OPCML: variants seen among roughly 807,000 people sequenced by gnomAD.
OPCML encodes opioid-binding protein/cell adhesion molecule.
A neutral mutation model predicts 37.8 loss-of-function variants in OPCML; 13 were observed. The observed-to-expected ratio is 0.34, with a 90% confidence interval of 0.22 to 0.55. The LOEUF (loss-of-function observed/expected upper bound fraction) is 0.55, where lower values mean the gene tolerates loss of function less well. OPCML is among the 20% of genes least tolerant of loss of function. OPCML has a pLI of 0.91. For missense variants in OPCML, 341 were observed against 435.6 expected (o/e 0.78, Z 1.93); for synonymous variants, 176 against 168.8 (o/e 1.04, Z -0.33).
intron 4 of OPCML, among the ~76,000 whole-genome samples, chr11:132,504,584 G>C (rs1203180055): frequency 2.0e-5 from 3 of 151,958 alleles, no homozygotes; most frequent in African/African-American, 7.3e-5. Context: ...GCACTTCCCA[G>C]GCGGCTTGCA....
In OPCML at chr11:133,314,765, G is replaced by C. The variant is rs990348004; in HGVS notation, c.61+217499C>G. Among the ~76,000 whole-genome samples, 4 of 152,122 alleles carry C rather than the reference G, an allele frequency of 2.6e-5. No homozygotes were observed. In the South Asian group the frequency reaches 6.2e-4, roughly 24 times the overall value. Reference sequence around the variant, plus strand: ...GGACGCTAAGGCTCCATGTGCCCACGGCTCCCAAGCAATGGACATTGCCGC... The same window carrying C: ...GGACGCTAAGGCTCCATGTGCCCACCGCTCCCAAGCAATGGACATTGCCGC... On this transcript the variant is annotated intron_variant, in intron 1 of 7. Coordinates refer to ENST00000524381, the MANE Select transcript of OPCML (RefSeq NM_001012393.5).
At chr11:133,380,129 A>C (rs116122488) in intron 1 of OPCML, among the ~76,000 whole-genome samples, 3,927 of 152,246 alleles carry the variant, frequency 0.026, 94 homozygotes, top group African/African-American at 0.07. Context: ...CAGAGGATGA[A>C]AATATAAATG....
At chr11:132,857,586 A>T (rs985977551) in intron 2 of OPCML, among the ~76,000 whole-genome samples, 1 of 152,126 alleles carries the variant, frequency 6.6e-6, no homozygotes, top group Non-Finnish European at 1.5e-5. Context: ...CATACTTAAA[A>T]ATATATATAT....
intron 2 of OPCML, among the ~76,000 whole-genome samples, chr11:132,787,079 G>A (rs929835599): frequency 2.0e-5 from 3 of 152,152 alleles, no homozygotes; most frequent in Non-Finnish European, 2.9e-5. Flanking sequence ...GGGAATTTGC[G>A]TTTCCAACAA....
intron 2 of OPCML, among the ~76,000 whole-genome samples, chr11:132,800,736 A>G (rs1426373993): frequency 6.6e-6 from 1 of 152,136 alleles, no homozygotes; most frequent in Non-Finnish European, 1.5e-5. Context: ...TTTACCTTTC[A>G]TGCTTGGGAC....
At chr11:133,384,247 C>CAAAAAAAAAAAAAAAAA (rs1186998875) in intron 1 of OPCML, among the ~76,000 whole-genome samples, 7 of 71,234 alleles carry the variant, frequency 9.8e-5, no homozygotes, top group South Asian at 6.8e-4. Context: ...GGCCACTGTG[C>CAAAAAAAAAAAAAAAAA]AAAAAAAAAA....
At chr11:132,871,023 C>T (rs1942775310) in intron 2 of OPCML, among the ~76,000 whole-genome samples, 1 of 151,926 alleles carries the variant, frequency 6.6e-6, no homozygotes, top group Non-Finnish European at 1.5e-5. Flanking sequence ...TTTCCTGTTC[C>T]TGAAAATTCC....
intron 3 of OPCML, among the ~76,000 whole-genome samples, chr11:132,610,432 T>C (rs573970433): frequency 2.2e-4 from 33 of 152,324 alleles, no homozygotes; most frequent in African/African-American, 7.5e-4. Context: ...TTCGTTGATG[T>C]CATCACTTAC....
chr11:132,614,872 A>G (rs1410007929), intron 3 of OPCML, among the ~76,000 whole-genome samples: 1 of 152,228 alleles, frequency 6.6e-6, no homozygotes, highest in African/African-American at 2.4e-5. Context: ...CGTTTTTGTC[A>G]CTGACTGTTT....
intron 2 of OPCML, among the ~76,000 whole-genome samples, chr11:132,844,705 A>G (rs763091092): frequency 3.3e-5 from 5 of 152,176 alleles, no homozygotes; most frequent in Admixed American, 1.3e-4. Flanking sequence ...TGAACCTGCC[A>G]TCGTAGCATG....
chr11:133,202,211 C>T (rs1043580396), intron 1 of OPCML, among the ~76,000 whole-genome samples: 1 of 152,178 alleles, frequency 6.6e-6, no homozygotes, highest in African/African-American at 2.4e-5. Flanking sequence ...AGCCATTCCA[C>T]CTCCGGCTGA....
intron 1 of OPCML, among the ~76,000 whole-genome samples, chr11:133,468,868 C>A (rs770815891): frequency 1.4e-4 from 21 of 151,346 alleles, no homozygotes; most frequent in Non-Finnish European, 2.4e-4. Context: ...CTCTGCCCTG[C>A]AGGTGAGGGT....
intron 1 of OPCML, among the ~76,000 whole-genome samples, chr11:133,082,662 T>C (rs1591985078): frequency 2.0e-5 from 1 of 50,816 alleles, no homozygotes; most frequent in African/African-American, 8.0e-5. Flanking sequence ...GGCACAGCCC[T>C]CGGCACGGCA....
At chr11:133,531,946 A>G (rs957127167) in intron 1 of OPCML, among the ~76,000 whole-genome samples, 11 of 152,172 alleles carry the variant, frequency 7.2e-5, no homozygotes, top group Non-Finnish European at 1.3e-4. Flanking sequence ...TCCTACCCCC[A>G]GGACCACAGC....
At chr11:132,493,721 C>T (rs770817024) in intron 4 of OPCML, among the ~76,000 whole-genome samples, 3 of 152,182 alleles carry the variant, frequency 2.0e-5, no homozygotes, top group South Asian at 2.1e-4. Context: ...AGAGCCTTTC[C>T]GTTTTTATTA....
chr11:133,466,498 G>T (rs1197965831), intron 1 of OPCML, among the ~76,000 whole-genome samples: 1 of 152,160 alleles, frequency 6.6e-6, no homozygotes, highest in East Asian at 1.9e-4. Context: ...GGTTCAGGAG[G>T]CCAGGAAACC....
chr11:133,437,781 A>G, intron 1 of OPCML, among the ~76,000 whole-genome samples: 1 of 151,912 alleles, frequency 6.6e-6, no homozygotes. Flanking sequence ...ATTACTTACA[A>G]TAATACAGAG....
intron 2 of OPCML, among the ~76,000 whole-genome samples, chr11:132,871,714 C>T (rs118170691): frequency 0.022 from 3,391 of 152,326 alleles, 53 homozygotes; most frequent in Middle Eastern, 0.051. Context: ...GCTCAGACTA[C>T]GCACTCAAAT....
chr11:132,812,368 A>C (rs992298771), intron 2 of OPCML, among the ~76,000 whole-genome samples: 1 of 152,102 alleles, frequency 6.6e-6, no homozygotes, highest in African/African-American at 2.4e-5. Flanking sequence ...TTTTGCGATA[A>C]ATGCTCCTAA....
Sources: allele counts gnomAD v4.1 joint callset (sites outside exome capture counted in the v4.1 genomes callset), GRCh38; gene constraint gnomAD v4.1.1; transcripts MANE v1.5; gene names NCBI Gene and HGNC (gene_info 2026-07-23, HGNC 2026-07-21).